C5: variants seen among roughly 807,000 people sequenced by gnomAD.
C5 encodes C3 and PZP-like alpha-2-macroglobulin domain-containing protein 4.
Under a neutral mutation model 218.8 loss-of-function variants are expected in C5, and 140 were observed. That is an observed-to-expected ratio of 0.64 (90% CI 0.56 to 0.74). The LOEUF is 0.74. C5 is among the 30% of genes least tolerant of loss of function. C5 has a pLI of 0.00. For synonymous variants in C5, 614 were observed against 682.3 expected, an observed-to-expected ratio of 0.90 and a Z score of 1.56; for missense variants, 1,700 against 1,969.6, an observed-to-expected ratio of 0.86 and a Z score of 2.59.
intron 24 of C5, 34 bp downstream of exon 24, chr9:120,989,534 C>T: frequency 7.2e-7 from 1 of 1,381,688 alleles, no homozygotes; most frequent in Non-Finnish European, 1.0e-6. Flanking sequence ...TTTAGAATCA[C>T]CCAATTTTTA....
intron 36 of C5, among the ~76,000 whole-genome samples, chr9:120,962,105 CA>C (rs2131668650): frequency 6.6e-6 from 1 of 152,214 alleles, no homozygotes; most frequent in South Asian, 2.1e-4. Flanking sequence ...ATAACATTCT[CA>C]AAAATGGCTG....
At chr9:120,990,172 A>C (rs2047066769) in intron 23 of C5, among the ~76,000 whole-genome samples, 1 of 152,210 alleles carries the variant, frequency 6.6e-6, no homozygotes, top group Admixed American at 6.5e-5. Flanking sequence ...TTCACTGTGC[A>C]ACCTTGGACA....
chr9:121,024,766 C>T (rs1048819157), intron 9 of C5, among the ~76,000 whole-genome samples: 2 of 152,168 alleles, frequency 1.3e-5, no homozygotes, highest in Admixed American at 6.5e-5. Context: ...GCTTAGAGCT[C>T]ATATGGAATT....
chr9:121,043,864 C>T (rs931067851), intron 2 of C5, among the ~76,000 whole-genome samples: 1 of 151,874 alleles, frequency 6.6e-6, no homozygotes, highest in East Asian at 1.9e-4. Context: ...CATCTCTGGA[C>T]CCTTAGTATT....
At chr9:120,958,671 C>T (rs2046804204) in intron 38 of C5, among the ~76,000 whole-genome samples, 1 of 151,794 alleles carries the variant, frequency 6.6e-6, no homozygotes, top group African/African-American at 2.4e-5. Flanking sequence ...ATTCAGTAGA[C>T]TTCGATGGAA....
intron 4 of C5, among the ~76,000 whole-genome samples, chr9:121,036,594 C>A (rs959987040): frequency 8.6e-6 from 1 of 116,830 alleles, no homozygotes; most frequent in African/African-American, 2.6e-5. Flanking sequence ...TTTCTTCTTG[C>A]CCCCATAGCT....
rs781649644 is a variant in C5, at chr9:121,005,914, C to T, written c.2562+5G>A. ...TTTATCCCATAAATATTAACACCTA[C>T]TTACCTGCATCCCAGAAGTCCTATA... On this transcript the variant is annotated splice_donor_5th_base_variant and intron_variant, in intron 20 of 40. Coordinates refer to ENST00000223642, the MANE Select transcript of C5 (RefSeq NM_001735.3). The T allele has an allele frequency of 2.5e-6, 4 of 1,613,260 alleles. No individual in the cohort carries two copies. In the East Asian group the frequency reaches 6.7e-5, roughly 27 times the overall value.
chr9:121,044,246 G>A (rs939766114), intron 2 of C5, among the ~76,000 whole-genome samples: 8 of 152,056 alleles, frequency 5.3e-5, no homozygotes, highest in South Asian at 4.1e-4. Context: ...AGGCCGAGGC[G>A]GGCGGATCAC....
the C5 span, among the ~76,000 whole-genome samples, chr9:121,066,745 G>C: frequency 6.6e-6 from 1 of 151,506 alleles, no homozygotes; most frequent in African/African-American, 2.4e-5. Context: ...AGCTACTCAG[G>C]AGGCTGAAGC....
At chr9:121,051,418 C>T (rs2047670423), upstream of C5, among the ~76,000 whole-genome samples, 1 of 152,110 alleles carries the variant, frequency 6.6e-6, no homozygotes, top group Non-Finnish European at 1.5e-5. Flanking sequence ...GCCACTGTGC[C>T]TGGCTGATTT....
In C5 at chr9:121,009,499, G is replaced by A. The variant is rs553023402; in HGVS notation, c.2258-1001C>T. ...GAATGAGGGAGAGTTCCAGGAAGGA[G>A]GGGGCTGCAGAGAGAGACTTCTATC... On this transcript the variant is annotated intron_variant, in intron 17 of 40. Transcript: ENST00000223642. 8.3e-4 allele frequency among the ~76,000 whole-genome samples: 127 copies of A among 152,342 alleles called. 1 individual carries two copies. The highest frequency in any genetic ancestry group is 2.9e-3 in the African/African-American group (121 of 41,586).
chr9:121,022,720 A>C (rs920445436), intron 10 of C5, among the ~76,000 whole-genome samples: 2 of 150,430 alleles, frequency 1.3e-5, no homozygotes, highest in African/African-American at 2.4e-5. Flanking sequence ...AAAATATATT[A>C]TTTGTAATAA....
chr9:120,960,903 C>G (rs1357671137), intron 37 of C5, among the ~76,000 whole-genome samples: 1 of 152,062 alleles, frequency 6.6e-6, no homozygotes, highest in African/African-American at 2.4e-5. Flanking sequence ...CTTTGAAGGA[C>G]CCAAAATGAT....
At chr9:121,044,677 T>C (rs1309390817) in intron 2 of C5, among the ~76,000 whole-genome samples, 2 of 152,354 alleles carry the variant, frequency 1.3e-5, no homozygotes, top group East Asian at 3.9e-4. Flanking sequence ...GTATTGACTA[T>C]GATTGCCCCA....
At chr9:121,046,491 T>A in intron 1 of C5, 108 bp from the exon 2 acceptor site, 1 of 761,446 alleles carries the variant, frequency 1.3e-6, no homozygotes, top group Non-Finnish European at 2.3e-6. Context: ...TACATATATT[T>A]CCTCACTTAA....
intron 22 of C5, among the ~76,000 whole-genome samples, chr9:120,995,179 TAA>T (rs1489955141): frequency 6.6e-6 from 1 of 152,220 alleles, no homozygotes; most frequent in Admixed American, 6.5e-5. Context: ...TCAGATGAAT[TAA>T]AGTGTAAAGG....
In C5 at chr9:120,991,238, A is replaced by G. The variant is rs375555428; in HGVS notation, c.2894T>C (p.Leu965Ser). Residue 965 changes from leucine to serine, a missense_variant, in exon 23 of 41, where the codon TTA becomes TCA. Physicochemically the swap from Leu to Ser is moderately radical, Grantham distance 145 (BLOSUM62 -2). Transcript: ENST00000223642. ...GATTTCTGTTTTGGGGACCAAATCT[A>G]AGGGTATCCTGTATGGGAACTCCTT... ...RRKEFPYRIP[L>S]DLVPKTEIKR... The G allele has an allele frequency of 6.8e-6, 11 of 1,611,684 alleles. No individual in the cohort carries two copies. In the African/African-American group the frequency reaches 1.2e-4, roughly 18 times the overall value.
At chr9:120,979,587 G>A (rs1025514429) in intron 28 of C5, 4 of 182,142 alleles carry the variant, frequency 2.2e-5, no homozygotes, top group Admixed American at 5.5e-5. Context: ...CATATTTATT[G>A]AATAAAGGAA....
chr9:121,074,844 C>T, the C5 span: 1 of 456,272 alleles, frequency 2.2e-6, no homozygotes, highest in Non-Finnish European at 4.4e-6. Context: ...CATCCTAGCG[C>T]GCTGGCTGCA....
Sources: allele counts gnomAD v4.1 joint callset (sites outside exome capture counted in the v4.1 genomes callset), GRCh38; gene constraint gnomAD v4.1.1; transcripts MANE v1.5; gene names NCBI Gene and HGNC (gene_info 2026-07-23, HGNC 2026-07-21).